Variants in PARP15 observed in about 807,000 individuals in gnomAD.
PARP15 encodes protein mono-ADP-ribosyltransferase PARP15.
A neutral mutation model predicts 62.1 loss-of-function variants in PARP15; 50 were observed. The ratio of observed to expected loss-of-function variants is 0.81; its 90% CI spans 0.64 to 1.02. The LOEUF is 1.02. PARP15 is among the 50% of genes least tolerant of loss of function. PARP15 has a pLI of 0.00. For missense variants in PARP15, 820 were observed against 826.5 expected, an observed-to-expected ratio of 0.99 and a Z score of 0.10; for synonymous variants, 309 against 293.1, an observed-to-expected ratio of 1.05 and a Z score of -0.55.
At chr3:122,601,863 T>C (rs1168547269) in intron 1 of PARP15, among the ~76,000 whole-genome samples, 11 of 152,216 alleles carry the variant, frequency 7.2e-5, no homozygotes. Flanking sequence ...TCTTCCAAAG[T>C]GGCTGTAGCA....
rs1416094819 is a variant in PARP15 at position 122,596,226 on chromosome 3, T to G, written c.187-9710T>G. 4.6e-5 allele frequency among the ~76,000 whole-genome samples: 7 copies of G among 151,786 alleles called. No individual in the cohort carries two copies. In the East Asian group the frequency reaches 1.4e-3, roughly 29 times the overall value. ...CAAAAATTAGCTGGCCGTAGTGGCA[T>G]GTGCCTGTAATCCCAGCTACTAGGA... On this transcript the variant is annotated intron_variant, in intron 1 of 11. Transcript: ENST00000464300.
chr3:122,636,171 CT>C lies in PARP15; in HGVS notation c.*72del. On this transcript the variant is annotated 3_prime_UTR_variant, in exon 12 of 12. Transcript: ENST00000464300. ...CAACATGCAATCTTTGTCTTTGCTT[CT>C]GGCCTGTGTAAGCAGATGAAAGTTT... is the stretch of plus-strand genomic sequence containing the variant. 1 of 1,465,124 alleles carries C rather than the reference CT, an allele frequency of 6.8e-7. No individual in the cohort carries two copies. Among genetic ancestry groups the C allele is most frequent in the Non-Finnish European group, 9.3e-7 (1 of 1,076,370 alleles). The allele number at this position is 1,465,124 out of a possible 1,614,324, so 90.8% of individuals were successfully genotyped here.
At chr3:122,633,428 C>T (rs997820674) in intron 10 of PARP15, among the ~76,000 whole-genome samples, 7 of 152,052 alleles carry the variant, frequency 4.6e-5, no homozygotes, top group African/African-American at 1.2e-4. Flanking sequence ...GCCTCTGAAT[C>T]GATAGGTTCT....
intron 7 of PARP15, 136 bp from the exon 8 acceptor site, chr3:122,621,308 A>G (rs1162456205): frequency 1.1e-6 from 1 of 892,388 alleles, no homozygotes; most frequent in Non-Finnish European, 1.7e-6. Flanking sequence ...CAGTCCAGTG[A>G]ATGAAACCAA....
intron 2 of PARP15, among the ~76,000 whole-genome samples, 183 bp downstream of exon 2, chr3:122,606,238 TCTTCC>T (rs1935151871): frequency 2.0e-5 from 3 of 152,220 alleles, no homozygotes; most frequent in Non-Finnish European, 4.4e-5. Flanking sequence ...TCCCCTATAT[TCTTCC>T]ACATGTACTC....
At chr3:122,626,225 G>T (rs1399641367) in intron 8 of PARP15, among the ~76,000 whole-genome samples, 4 of 141,410 alleles carry the variant, frequency 2.8e-5, no homozygotes, top group African/African-American at 1.1e-4. Context: ...TTGAGACGGA[G>T]TCTTGCTCTG....
chr3:122,614,960 G>A (rs960225104), intron 4 of PARP15: 3 of 598,236 alleles, frequency 5.0e-6, no homozygotes, highest in South Asian at 7.5e-5. Flanking sequence ...AGTCCAGGGG[G>A]TTGAGGCTGC....
chr3:122,578,286 T>C (rs2080727485), intron 1 of PARP15, among the ~76,000 whole-genome samples: 1 of 152,200 alleles, frequency 6.6e-6, no homozygotes. Context: ...TATTTTAATA[T>C]ATGACTTTTA....
chr3:122,613,518 A>T (rs986783562), intron 4 of PARP15, among the ~76,000 whole-genome samples: 3 of 152,228 alleles, frequency 2.0e-5, no homozygotes, highest in African/African-American at 7.2e-5. Flanking sequence ...ATTGGCATAA[A>T]AATGGCCTAG....
Position 122,635,849 on chromosome 3 carries a change from G to T in PARP15, c.1786G>T (p.Ala596Ser). ...YGKGTYFAVD[A>S]SYSAKDTYSK... ...AAAAGGAACCTATTTTGCTGTGGAT[G>T]CCAGTTATTCTGCCAAGGACACCTA... Residue 596 changes from alanine to serine, a missense_variant, in exon 12 of 12, where the codon GCC becomes TCC. Transcript: ENST00000464300. 1 of 1,613,952 alleles carries T rather than the reference G, an allele frequency of 6.2e-7. No individual in the cohort carries two copies. Among genetic ancestry groups the T allele is most frequent in the East Asian group, 2.2e-5 (1 of 44,886 alleles).
chr3:122,582,922 C>T (rs1300117427), intron 1 of PARP15, among the ~76,000 whole-genome samples: 2 of 140,436 alleles, frequency 1.4e-5, no homozygotes, highest in Non-Finnish European at 3.1e-5. Context: ...TAATCCCATA[C>T]AGTGTTTACA....
rs1295066835 is a variant in PARP15, at chr3:122,638,930, T to C, written c.*2830T>C. Reference sequence around the variant, plus strand: ...GCTTTATATCTTTCCCTATTTTATGTATATAGAATTATAAAGTTTTTAAAA... The same window carrying C: ...GCTTTATATCTTTCCCTATTTTATGCATATAGAATTATAAAGTTTTTAAAA... On this transcript the variant is annotated 3_prime_UTR_variant, in exon 12 of 12. Coordinates refer to ENST00000464300, the MANE Select transcript of PARP15 (RefSeq NM_001113523.3). The C allele has an allele frequency of 2.0e-5, 3 of 152,188 alleles. No homozygotes were observed. The highest frequency in any genetic ancestry group is 7.2e-5 in the African/African-American group (3 of 41,470). The allele number at this position is 152,188 out of a possible 1,614,324, so 9.4% of individuals were successfully genotyped here.
Position 122,632,138 on chromosome 3 carries a change from C to T in PARP15, c.1491C>T (p.Val497=), listed in dbSNP as rs1310039633. ...TGAATCATCAGCTGTTTTGCATGGTCCAGCTAGAGCCAGGACAATCAGAAT... is the reference window on the plus strand; with the variant it reads ...TGAATCATCAGCTGTTTTGCATGGTTCAGCTAGAGCCAGGACAATCAGAAT... The part of the protein sequence containing the change: ...TDMNHQLFCM[V]QLEPGQSEYN... Residue 497 remains valine, a synonymous_variant, in exon 10 of 12, where the codon GTC becomes GTT. Transcript: ENST00000464300. 1.2e-5 allele frequency: 20 copies of T among 1,613,794 alleles called. No individual in the cohort carries two copies. Among genetic ancestry groups the T allele is most frequent in the Non-Finnish European group, 1.5e-5 (18 of 1,179,860 alleles).
chr3:122,624,889 C>G (rs1329538295), intron 8 of PARP15, among the ~76,000 whole-genome samples: 2 of 152,090 alleles, frequency 1.3e-5, no homozygotes, highest in Non-Finnish European at 2.9e-5. Flanking sequence ...CTGGATCCAT[C>G]CTATACTCTG....
Position 122,617,058 on chromosome 3 carries a change from A to G in PARP15, c.894A>G (p.Glu298=). 6.2e-7 allele frequency: 1 copy of G among 1,614,170 alleles called. No homozygotes were observed. The change falls in exon 6 of 12, where the codon GAA becomes GAG. Residue 298 remains glutamate, a synonymous_variant. Coordinates refer to ENST00000464300, the MANE Select transcript of PARP15 (RefSeq NM_001113523.3). Reference sequence around the variant, plus strand: ...CTAAGCCTTGTTTCACAGCATATGAAATGAAAATCGGTGCAATTACTTTTC... The same window carrying G: ...CTAAGCCTTGTTTCACAGCATATGAGATGAAAATCGGTGCAATTACTTTTC... ...TVSKPCFTAY[E]MKIGAITFQV...
chr3:122,600,510 T>C (rs746810005), intron 1 of PARP15, among the ~76,000 whole-genome samples: 7 of 152,164 alleles, frequency 4.6e-5, no homozygotes, highest in Non-Finnish European at 8.8e-5. Context: ...CAACTGCTCT[T>C]GCATTCCACC....
At chr3:122,600,522 C>T (rs1934703765) in intron 1 of PARP15, among the ~76,000 whole-genome samples, 1 of 152,112 alleles carries the variant, frequency 6.6e-6, no homozygotes, top group Non-Finnish European at 1.5e-5. Flanking sequence ...CATTCCACCC[C>T]ACTCATTATC....
At chr3:122,616,941 T>C in intron 5 of PARP15, 74 bp from the exon 6 acceptor site, 1 of 1,509,984 alleles carries the variant, frequency 6.6e-7, no homozygotes, top group Admixed American at 1.9e-5. Context: ...GGGAAGAGAA[T>C]AGGGCCCCAA....
At chr3:122,603,412 C>T (rs184111783) in intron 1 of PARP15, among the ~76,000 whole-genome samples, 1 of 152,074 alleles carries the variant, frequency 6.6e-6, no homozygotes, top group African/African-American at 2.4e-5. Context: ...AAAAAAACCT[C>T]CTGCATTGTG....
Sources: gnomAD v4.1 joint callset for allele counts (sites outside exome capture counted in the v4.1 genomes callset) on GRCh38, gnomAD v4.1.1 for gene constraint, MANE v1.5 for transcripts, NCBI Gene and HGNC (gene_info 2026-07-23, HGNC 2026-07-21) for gene names.